MAS1: variants seen among roughly 807,000 people sequenced by gnomAD.
MAS1 encodes the protein MAS1 proto-oncogene, G protein-coupled receptor.
For missense variants in MAS1, 387 were observed against 409.7 expected, an observed-to-expected ratio of 0.94 and a Z score of 0.48; for synonymous variants, 163 against 164.2, an observed-to-expected ratio of 0.99 and a Z score of 0.05.
intron 2 of MAS1, among the ~76,000 whole-genome samples, chr6:159,900,470 C>T (rs971223894): frequency 6.6e-6 from 1 of 152,138 alleles, no homozygotes; most frequent in East Asian, 1.9e-4. Context: ...CTTCAGAGAC[C>T]GAAACTCAGT....
rs1782956910 is a variant in MAS1 at position 159,910,844 on chromosome 6, C to T, written c.*2911C>T. 1 of 152,250 alleles carries T rather than the reference C, an allele frequency of 6.6e-6. No homozygotes were observed. Among genetic ancestry groups the T allele is most frequent in the Non-Finnish European group, 1.5e-5 (1 of 68,094 alleles). The allele number at this position is 152,250 out of a possible 1,614,324, so 9.4% of individuals were successfully genotyped here. A position where few individuals can be genotyped will look rare whatever the true frequency, so the allele number is the denominator to read the frequency against. ...TCCTGCCATTTGTCTTGCAGCCTGACCATCATAGAGAGATTGGTCCAGATA... is the reference window on the plus strand; with the variant it reads ...TCCTGCCATTTGTCTTGCAGCCTGATCATCATAGAGAGATTGGTCCAGATA... On this transcript the variant is annotated 3_prime_UTR_variant, in exon 3 of 3. Coordinates refer to ENST00000674077, the MANE Select transcript of MAS1 (RefSeq NM_002377.4).
At chr6:159,893,773 T>A (rs1208194828) in intron 1 of MAS1, among the ~76,000 whole-genome samples, 1 of 152,156 alleles carries the variant, frequency 6.6e-6, no homozygotes, top group African/African-American at 2.4e-5. Context: ...TGAGAGGGGC[T>A]GGGAGCAGCG....
At chr6:159,890,955 C>G (rs1251119721), upstream of MAS1, among the ~76,000 whole-genome samples, 1 of 152,202 alleles carries the variant, frequency 6.6e-6, no homozygotes, top group Non-Finnish European at 1.5e-5. Flanking sequence ...CTTGGCACAT[C>G]TCAAATATTT....
At chr6:159,895,591 CA>C (rs1263671672) in intron 1 of MAS1, among the ~76,000 whole-genome samples, 13 of 152,068 alleles carry the variant, frequency 8.5e-5, no homozygotes, top group Non-Finnish European at 1.3e-4. Context: ...AACAATCCAT[CA>C]AAAAATACAA....
chr6:159,892,097 C>T (rs541973010), intron 1 of MAS1, among the ~76,000 whole-genome samples: 3 of 152,154 alleles, frequency 2.0e-5, no homozygotes, highest in Non-Finnish European at 4.4e-5. Context: ...TAAATTGATC[C>T]TGTGGTATGT....
chr6:159,896,322 CAAAT>C (rs964478995), intron 1 of MAS1, among the ~76,000 whole-genome samples: 4 of 151,954 alleles, frequency 2.6e-5, no homozygotes, highest in Admixed American at 6.6e-5. Context: ...AATAAATAAA[CAAAT>C]AAATCATGAG....
rs1030814369 is a variant in MAS1 at position 159,914,724 on chromosome 6, C to T, written c.*6791C>T. On this transcript the variant is annotated 3_prime_UTR_variant, in exon 3 of 3. Coordinates refer to ENST00000674077, the MANE Select transcript of MAS1 (RefSeq NM_002377.4). The stretch of plus-strand genomic sequence containing the variant: ...ACCAGTTGCTGCAATCAGTGCTTGG[C>T]TTTTTGTCCCCAGTTCACCCCAGGT... 1 of 152,350 alleles carries T rather than the reference C, an allele frequency of 6.6e-6. No individual in the cohort carries two copies. The highest frequency in any genetic ancestry group is 2.4e-5 in the African/African-American group (1 of 41,460). 9.4% of individuals were successfully genotyped at this position (152,350 alleles called of 1,614,324 possible). A position where few individuals can be genotyped will look rare whatever the true frequency, so the allele number is the denominator to read the frequency against.
upstream of MAS1, among the ~76,000 whole-genome samples, chr6:159,889,095 C>T (rs752609880): frequency 6.6e-6 from 1 of 152,176 alleles, no homozygotes; most frequent in African/African-American, 2.4e-5. Context: ...CTCTCCCGGC[C>T]GGCCACCAAC....
intron 1 of MAS1, among the ~76,000 whole-genome samples, chr6:159,892,194 A>T (rs1202916704): frequency 3.3e-5 from 5 of 152,196 alleles, no homozygotes; most frequent in African/African-American, 1.2e-4. Context: ...ATACCAGGAC[A>T]GATGGTCCTG....
rs761885116 is a variant in MAS1, at chr6:159,907,330, C to T, written c.375C>T (p.Ala125=). ...GYNTGLYLLT[A]ISVERCLSVL... is the part of the protein sequence containing the mutation. ...ACACGGGCCTCTATCTGCTGACGGC[C>T]ATTAGTGTGGAGAGGTGCCTGTCAG... The change falls in exon 3 of 3, where the codon GCC becomes GCT. Residue 125 remains alanine (A), a synonymous_variant. Transcript: ENST00000674077. The T allele has an allele frequency of 2.0e-5, 32 of 1,614,090 alleles. No individual in the cohort carries two copies. The highest frequency in any genetic ancestry group is 4.0e-5 in the African/African-American group (3 of 74,924).
chr6:159,903,436 T>C (rs1189577183), intron 2 of MAS1, among the ~76,000 whole-genome samples: 3 of 152,144 alleles, frequency 2.0e-5, no homozygotes, highest in Non-Finnish European at 4.4e-5. Context: ...TCCCGAGCAC[T>C]AAGCTGGGCG....
rs1056266114 is a variant in MAS1 at position 159,891,104 on chromosome 6, C to T, written c.-273C>T. On this transcript the variant is annotated 5_prime_UTR_variant, in exon 1 of 3. The change creates a new upstream start codon in the 5' untranslated region. Transcript: ENST00000674077. ...GAAGGGGCAGCCAACCTGTTGGCCA[C>T]GTCTGACCCTTCCTGAGCAAATGAC... is the stretch of plus-strand genomic sequence containing the variant. 2.9e-4 allele frequency among the ~76,000 whole-genome samples: 44 copies of T among 152,210 alleles called. No individual in the cohort carries two copies. Among genetic ancestry groups the T allele is most frequent in the Admixed American group, 2.7e-3 (41 of 15,284 alleles).
At position 159,907,546 on chromosome 6, in the gene MAS1, G is replaced by C. The variant is rs777885616; in HGVS notation, c.591G>C (p.Leu197=). 2 of 1,613,938 alleles carry C rather than the reference G, an allele frequency of 1.2e-6. No homozygotes were observed. The highest frequency in any genetic ancestry group is 1.7e-6 in the Non-Finnish European group (2 of 1,180,000). Residue 197 remains leucine (L), a synonymous_variant, in exon 3 of 3, where the codon CTG becomes CTC. Transcript: ENST00000674077. ...VIIFIAILSF[L]VFTPLMLVSS... ...TCTTTATAGCCATCCTGAGCTTCCT[G>C]GTCTTCACGCCCCTCATGCTGGTGT...
At position 159,917,218 on chromosome 6, in the gene MAS1, A is replaced by T. The variant is rs1422836093; in HGVS notation, c.*9285A>T. Among the ~76,000 whole-genome samples, 1 of 151,904 alleles carries T rather than the reference A, an allele frequency of 6.6e-6. No individual in the cohort carries two copies. Among genetic ancestry groups the T allele is most frequent in the Non-Finnish European group, 1.5e-5 (1 of 67,956 alleles). ...AGGACCAGCAGACATCCTGACCCAA[A>T]CCTGATGGATGAGATTGGTGTAAAG... On this transcript the variant is annotated 3_prime_UTR_variant, in exon 3 of 3. Transcript: ENST00000674077.
intron 1 of MAS1, among the ~76,000 whole-genome samples, chr6:159,896,318 TAAAC>T (rs1173287647): frequency 3.9e-5 from 6 of 152,032 alleles, no homozygotes; most frequent in Non-Finnish European, 5.9e-5. Context: ...TATAAATAAA[TAAAC>T]AAATAAATCA....
intron 1 of MAS1, 33 bp from the exon 2 acceptor site, chr6:159,899,153 T>G (rs1782795371): frequency 6.6e-6 from 1 of 152,266 alleles, no homozygotes; most frequent in Admixed American, 6.5e-5. Context: ...CACTGCGATA[T>G]TCTCACAGTC....
intron 2 of MAS1, among the ~76,000 whole-genome samples, chr6:159,902,817 G>A (rs1782837728): frequency 6.6e-6 from 1 of 152,142 alleles, no homozygotes; most frequent in Non-Finnish European, 1.5e-5. Flanking sequence ...CCCCTGGGCT[G>A]CTGTCCCAAA....
chr6:159,908,134 A>C lies in MAS1; in HGVS notation c.*201A>C. 2.0e-6 allele frequency: 1 copy of C among 504,272 alleles called. No individual in the cohort carries two copies. The highest frequency in any genetic ancestry group is 3.3e-6 in the Non-Finnish European group (1 of 304,958). The allele number at this position is 504,272 out of a possible 1,614,324, so 31.2% of individuals were successfully genotyped here. ...CCTGTCATTTCTGTACTTGACAAAG[A>C]CTCTATTTCTTTCAGCTCTTTTGGC... is the stretch of plus-strand genomic sequence containing the variant. On this transcript the variant is annotated 3_prime_UTR_variant, in exon 3 of 3. Transcript: ENST00000674077.
chr6:159,903,789 A>G (rs146146263), intron 2 of MAS1, among the ~76,000 whole-genome samples: 1 of 151,998 alleles, frequency 6.6e-6, no homozygotes, highest in Non-Finnish European at 1.5e-5. Context: ...TTTGCTTTCT[A>G]TCCATGTATA....
Sources: gnomAD v4.1 joint callset for allele counts (sites outside exome capture counted in the v4.1 genomes callset) on GRCh38, gnomAD v4.1.1 for gene constraint, MANE v1.5 for transcripts, NCBI Gene and HGNC (gene_info 2026-07-23, HGNC 2026-07-21) for gene names.